ADGRB3: variants seen among roughly 807,000 people sequenced by gnomAD.
The protein encoded by ADGRB3 is adhesion G protein-coupled receptor B3.
A neutral mutation model predicts 193.4 loss-of-function variants in ADGRB3; 37 were observed. The ratio of observed to expected loss-of-function variants is 0.19; its 90% confidence interval spans 0.15 to 0.25. The LOEUF is 0.25. Among genes scored for constraint, ADGRB3 ranks in the 10% least tolerant of loss-of-function variants. The pLI is 1.00. For missense variants in ADGRB3, 1,637 were observed against 1,852.9 expected, an observed-to-expected ratio of 0.88 and a Z score of 2.14; for synonymous variants, 690 against 644.2, an observed-to-expected ratio of 1.07 and a Z score of -1.08.
chr6:69,264,306 C>T (rs1766988742), intron 20 of ADGRB3, among the ~76,000 whole-genome samples: 1 of 151,882 alleles, frequency 6.6e-6, no homozygotes. Context: ...TATTTCAAGC[C>T]CAGCAGGTCT....
intron 17 of ADGRB3, among the ~76,000 whole-genome samples, chr6:69,198,204 G>A (rs1490813147): frequency 6.6e-6 from 1 of 151,968 alleles, no homozygotes; most frequent in African/African-American, 2.4e-5. Flanking sequence ...TGTGAGAGCA[G>A]GACTTTGTTG....
At chr6:69,030,823 T>G (rs1770622137) in intron 13 of ADGRB3, among the ~76,000 whole-genome samples, 1 of 152,052 alleles carries the variant, frequency 6.6e-6, no homozygotes, top group South Asian at 2.1e-4. Flanking sequence ...GGTTTGAGTT[T>G]TCTTTTCTTT....
In ADGRB3 at chr6:68,771,257, TAAG is replaced by T. The variant is rs1286653958; in HGVS notation, c.757+131829_757+131831del. ...CACAGTGTTTTCTTCTTTTTTTTCA[TAAG>T]AAGTTGAAAAGGGAACAATAATAAA... is the stretch of plus-strand genomic sequence containing the variant. On this transcript the variant is annotated intron_variant, in intron 3 of 31. Coordinates refer to ENST00000370598, the MANE Select transcript of ADGRB3 (RefSeq NM_001704.3). Among the ~76,000 whole-genome samples the T allele has an allele frequency of 2.2e-4, 33 of 152,158 alleles. 1 individual carries two copies. The highest frequency in any genetic ancestry group is 4.6e-4 in the Non-Finnish European group (31 of 67,974).
chr6:68,872,240 A>T (rs148122080), intron 3 of ADGRB3, among the ~76,000 whole-genome samples: 3 of 152,106 alleles, frequency 2.0e-5, no homozygotes, highest in Non-Finnish European at 4.4e-5. Flanking sequence ...TTTTTTGAAG[A>T]CAAGTCTTTG....
intron 3 of ADGRB3, among the ~76,000 whole-genome samples, chr6:68,875,395 T>A (rs1316509692): frequency 2.0e-5 from 3 of 151,174 alleles, no homozygotes; most frequent in Non-Finnish European, 4.4e-5. Context: ...AAGGGAAGCA[T>A]GAAAGTGAGC....
intron 11 of ADGRB3, 36 bp from the exon 12 acceptor site, chr6:69,014,002 T>C (rs764492938): frequency 2.2e-6 from 3 of 1,383,332 alleles, no homozygotes; most frequent in East Asian, 2.5e-5. Flanking sequence ...AATTCTCTCA[T>C]GTAATATTAA....
chr6:69,380,554 T>A (rs1769925578), intron 30 of ADGRB3, among the ~76,000 whole-genome samples: 1 of 151,774 alleles, frequency 6.6e-6, no homozygotes, highest in African/African-American at 2.4e-5. Flanking sequence ...GAGCTAGAAA[T>A]TGTCTGAATC....
At chr6:68,639,998 C>G (rs146021492) in intron 3 of ADGRB3, among the ~76,000 whole-genome samples, 5 of 152,248 alleles carry the variant, frequency 3.3e-5, no homozygotes, top group African/African-American at 1.2e-4. Context: ...AGGTGTACCC[C>G]CCTTCTCCCC....
intron 5 of ADGRB3, among the ~76,000 whole-genome samples, chr6:68,939,098 A>G (rs187725350): frequency 2.0e-5 from 3 of 152,310 alleles, no homozygotes; most frequent in African/African-American, 7.2e-5. Context: ...TAATGCCTTC[A>G]CAGAGAACAT....
At chr6:68,957,868 A>G (rs754222720) in intron 8 of ADGRB3, among the ~76,000 whole-genome samples, 1 of 152,170 alleles carries the variant, frequency 6.6e-6, no homozygotes, top group Non-Finnish European at 1.5e-5. Context: ...TTTAAGAGTA[A>G]CAATATGTCA....
chr6:69,172,152 C>T (rs1775286633), intron 17 of ADGRB3, among the ~76,000 whole-genome samples: 1 of 152,036 alleles, frequency 6.6e-6, no homozygotes, highest in East Asian at 1.9e-4. Flanking sequence ...ACCACCTATC[C>T]CCCACATTTC....
intron 3 of ADGRB3, among the ~76,000 whole-genome samples, chr6:68,832,785 C>T (rs1300992841): frequency 6.6e-6 from 1 of 152,042 alleles, no homozygotes; most frequent in Non-Finnish European, 1.5e-5. Flanking sequence ...AGTGGGTGGA[C>T]AGAAGTAGAA....
At chr6:69,017,011 G>A (rs1217679333) in intron 12 of ADGRB3, among the ~76,000 whole-genome samples, 1 of 151,802 alleles carries the variant, frequency 6.6e-6, no homozygotes, top group Non-Finnish European at 1.5e-5. Flanking sequence ...CTTGAAAGTG[G>A]GATGATGGGC....
intron 31 of ADGRB3, among the ~76,000 whole-genome samples, chr6:69,388,182 T>G (rs1456607816): frequency 6.6e-6 from 1 of 152,174 alleles, no homozygotes; most frequent in African/African-American, 2.4e-5. Flanking sequence ...TAGCAGCATT[T>G]AAATATTCTA....
At chr6:69,317,272 G>C (rs1366546586) in intron 20 of ADGRB3, among the ~76,000 whole-genome samples, 1 of 151,314 alleles carries the variant, frequency 6.6e-6, no homozygotes, top group African/African-American at 2.4e-5. Context: ...TTTCCCTTTG[G>C]GGGAGAATAT....
intron 3 of ADGRB3, among the ~76,000 whole-genome samples, chr6:68,649,803 C>T (rs1003783190): frequency 3.3e-5 from 5 of 152,074 alleles, no homozygotes; most frequent in African/African-American, 4.8e-5. Flanking sequence ...CTGGGCTTCT[C>T]GCCTTGCATT....
At chr6:69,074,075 C>A (rs535995965) in intron 16 of ADGRB3, among the ~76,000 whole-genome samples, 54 of 151,686 alleles carry the variant, frequency 3.6e-4, no homozygotes, top group Admixed American at 1.7e-3. Context: ...CATCCAGAAG[C>A]AAGAAAAAGA....
intron 3 of ADGRB3, among the ~76,000 whole-genome samples, chr6:68,885,914 A>C (rs1286218027): frequency 6.6e-6 from 1 of 152,136 alleles, no homozygotes; most frequent in Non-Finnish European, 1.5e-5. Context: ...TAGCTTATGT[A>C]ATGGATATGA....
chr6:69,336,171 ATTAG>A (rs1157444284), intron 24 of ADGRB3, among the ~76,000 whole-genome samples: 5 of 152,050 alleles, frequency 3.3e-5, no homozygotes, highest in African/African-American at 1.2e-4. Flanking sequence ...CCTAGTACCC[ATTAG>A]TTTACCAAGA....
Sources: allele counts gnomAD v4.1 joint callset (sites outside exome capture counted in the v4.1 genomes callset), GRCh38; gene constraint gnomAD v4.1.1; transcripts MANE v1.5; gene names NCBI Gene and HGNC (gene_info 2026-07-23, HGNC 2026-07-21).